VRK2: variants seen among roughly 807,000 people sequenced by gnomAD.
VRK2 encodes the protein VRK serine/threonine kinase 2, also known as serine/threonine-protein kinase VRK2.
In VRK2, 60 loss-of-function variants were observed where a neutral mutation model predicts 57.6. The observed-to-expected ratio is 1.04, with a 90% CI of 0.85 to 1.29. The LOEUF is 1.29. Ranked by LOEUF, VRK2 falls within the 50% of genes most tolerant of loss-of-function variation. VRK2 has a pLI of 0.00. For synonymous variants in VRK2, 231 were observed against 199.2 expected (o/e 1.16, Z -1.35); for missense variants, 705 against 588.1 (o/e 1.20, Z -2.06).
At chr2:58,057,295 A>G (rs1444626414) in intron 2 of VRK2, among the ~76,000 whole-genome samples, 1 of 152,130 alleles carries the variant, frequency 6.6e-6, no homozygotes, top group Non-Finnish European at 1.5e-5. Flanking sequence ...CTGTACTTTC[A>G]GATTTAGATA....
chr2:58,132,369 T>G (rs1679341228), intron 9 of VRK2, among the ~76,000 whole-genome samples: 1 of 152,212 alleles, frequency 6.6e-6, no homozygotes, highest in Non-Finnish European at 1.5e-5. Flanking sequence ...TATTTCTGTC[T>G]TGGAGGAAGT....
chr2:58,069,256 A>G (rs915883564), intron 2 of VRK2, among the ~76,000 whole-genome samples: 1 of 152,156 alleles, frequency 6.6e-6, no homozygotes, highest in Non-Finnish European at 1.5e-5. Flanking sequence ...TTCAATAGCA[A>G]AAGTATTGTT....
At chr2:57,928,807 A>T (rs939594819) in intron 1 of VRK2, among the ~76,000 whole-genome samples, 1 of 152,246 alleles carries the variant, frequency 6.6e-6, no homozygotes, top group Non-Finnish European at 1.5e-5. Flanking sequence ...TTGTAGACTC[A>T]TAGAAGTACT....
At chr2:58,081,891 T>A in intron 2 of VRK2, among the ~76,000 whole-genome samples, 1 of 151,272 alleles carries the variant, frequency 6.6e-6, no homozygotes, top group Admixed American at 6.6e-5. Flanking sequence ...TGTGTGTGTG[T>A]GTGTGTGTTT....
chr2:58,053,328 T>C (rs1676036829), intron 2 of VRK2, among the ~76,000 whole-genome samples: 1 of 152,234 alleles, frequency 6.6e-6, no homozygotes, highest in Admixed American at 6.5e-5. Flanking sequence ...AAGTTAACTG[T>C]GGTGAAGCCT....
chr2:57,933,248 T>C (rs1670788791), intron 1 of VRK2, among the ~76,000 whole-genome samples: 1 of 151,858 alleles, frequency 6.6e-6, no homozygotes, highest in Admixed American at 6.6e-5. Context: ...CCATTTATTG[T>C]TGAAAGTTGG....
chr2:58,014,429 C>T (rs1673513569), intron 1 of VRK2, among the ~76,000 whole-genome samples: 1 of 152,180 alleles, frequency 6.6e-6, no homozygotes, highest in Non-Finnish European at 1.5e-5. Flanking sequence ...TAAATAAAAA[C>T]AGTTTCGTAA....
At chr2:57,953,728 G>T (rs997316856) in intron 1 of VRK2, among the ~76,000 whole-genome samples, 1 of 151,830 alleles carries the variant, frequency 6.6e-6, no homozygotes, top group African/African-American at 2.4e-5. Flanking sequence ...GCTATCAGAG[G>T]AAGACATTTC....
chr2:58,042,443 A>C (rs920948186), upstream of VRK2, among the ~76,000 whole-genome samples: 2 of 152,200 alleles, frequency 1.3e-5, no homozygotes, highest in African/African-American at 4.8e-5. Context: ...ATTTTTACAG[A>C]ACAAAAATAC....
intron 1 of VRK2, among the ~76,000 whole-genome samples, chr2:58,002,433 C>G (rs1051406035): frequency 1.3e-5 from 2 of 152,090 alleles, no homozygotes; most frequent in African/African-American, 2.4e-5. Flanking sequence ...CAAGACCATG[C>G]CATTGCACTC....
chr2:58,153,570 G>A (rs1376582667), intron 12 of VRK2, among the ~76,000 whole-genome samples: 2 of 151,904 alleles, frequency 1.3e-5, no homozygotes, highest in East Asian at 1.9e-4. Flanking sequence ...ACCCCACTTC[G>A]TCATTTTATA....
chr2:58,119,100 G>C (rs1186593499), intron 7 of VRK2, among the ~76,000 whole-genome samples: 2 of 152,180 alleles, frequency 1.3e-5, no homozygotes, highest in African/African-American at 4.8e-5. Context: ...CAGGGGATGC[G>C]ATGGCTTGGC....
At chr2:57,979,885 C>T (rs1415183096) in intron 1 of VRK2, among the ~76,000 whole-genome samples, 2 of 152,028 alleles carry the variant, frequency 1.3e-5, no homozygotes, top group Non-Finnish European at 2.9e-5. Flanking sequence ...TGTGGTAATG[C>T]TCCCTTTGTC....
intron 1 of VRK2, among the ~76,000 whole-genome samples, chr2:57,922,457 TGTGTG>T (rs1670382294): frequency 1.1e-5 from 1 of 87,546 alleles, no homozygotes; most frequent in Non-Finnish European, 2.0e-5. Context: ...TACCTTCTTG[TGTGTG>T]TGTGTGTGTG....
chr2:57,949,861 C>T (rs891006488), intron 1 of VRK2, among the ~76,000 whole-genome samples: 1 of 152,138 alleles, frequency 6.6e-6, no homozygotes, highest in African/African-American at 2.4e-5. Context: ...CCAGTGAACA[C>T]ACAAATGATA....
intron 2 of VRK2, among the ~76,000 whole-genome samples, chr2:58,082,798 T>C (rs1671076797): frequency 1.3e-5 from 2 of 151,864 alleles, no homozygotes; most frequent in South Asian, 4.1e-4. Flanking sequence ...GGGTTTACAA[T>C]TTAATATTAG....
intron 1 of VRK2, among the ~76,000 whole-genome samples, chr2:57,925,755 C>A (rs901966004): frequency 7.4e-5 from 11 of 149,386 alleles, no homozygotes; most frequent in Non-Finnish European, 1.0e-4. Context: ...TTTATTATTT[C>A]TTTTCTTCTA....
chr2:57,989,986 G>A (rs1436079307), intron 1 of VRK2, among the ~76,000 whole-genome samples: 1 of 152,052 alleles, frequency 6.6e-6, no homozygotes, highest in East Asian at 1.9e-4. Context: ...CTTAATCAAA[G>A]GAAAAGATGT....
chr2:57,947,728 CTT>C (rs994461193), intron 1 of VRK2, among the ~76,000 whole-genome samples: 1 of 152,166 alleles, frequency 6.6e-6, no homozygotes, highest in African/African-American at 2.4e-5. Flanking sequence ...CTGACTCACA[CTT>C]TTTTTCTGTA....
Sources: allele counts gnomAD v4.1 joint callset (sites outside exome capture counted in the v4.1 genomes callset), GRCh38; gene constraint gnomAD v4.1.1; transcripts MANE v1.5; gene names NCBI Gene and HGNC (gene_info 2026-07-23, HGNC 2026-07-21).